TUBGCP3: variants seen among roughly 807,000 people sequenced by gnomAD.
The protein encoded by TUBGCP3 is gamma-tubulin complex component 3.
Under a neutral mutation model 123.1 loss-of-function variants are expected in TUBGCP3, and 50 were observed. That is an observed-to-expected ratio of 0.41 (90% confidence interval 0.32 to 0.51). The LOEUF is 0.51. Ranked by LOEUF, TUBGCP3 falls within the 20% of genes least tolerant of loss-of-function variation. TUBGCP3 has a pLI of 0.36. For missense variants in TUBGCP3, 882 were observed against 1,127.0 expected, an observed-to-expected ratio of 0.78 and a Z score of 3.11; for synonymous variants, 405 against 413.9, an observed-to-expected ratio of 0.98 and a Z score of 0.26.
At chr13:112,562,320 A>G (rs1330500063) in intron 3 of TUBGCP3, among the ~76,000 whole-genome samples, 1 of 152,130 alleles carries the variant, frequency 6.6e-6, no homozygotes, top group Admixed American at 6.5e-5. Flanking sequence ...GCCAGGGGCC[A>G]CTAGGGGAAC....
chr13:112,516,412 C>A (rs369559965), intron 17 of TUBGCP3, 28 bp downstream of exon 17: 1 of 1,563,110 alleles, frequency 6.4e-7, no homozygotes, highest in South Asian at 1.2e-5. Flanking sequence ...GGAGTGTGTG[C>A]GGACCCGTGA....
chr13:112,599,598 C>T, the TUBGCP3 span, among the ~76,000 whole-genome samples: 1 of 152,212 alleles, frequency 6.6e-6, no homozygotes, highest in African/African-American at 2.4e-5. Flanking sequence ...CCTCCGCCTC[C>T]CAGGTTCAAG....
intron 14 of TUBGCP3, chr13:112,521,562 G>T: frequency 1.6e-6 from 1 of 607,190 alleles, no homozygotes; most frequent in Non-Finnish European, 2.1e-6. Flanking sequence ...GTGATACACT[G>T]AAACTTGAGG....
chr13:112,490,582 T>C (rs1880015483), intron 20 of TUBGCP3, among the ~76,000 whole-genome samples: 1 of 152,252 alleles, frequency 6.6e-6, no homozygotes, highest in African/African-American at 2.4e-5. Flanking sequence ...TCAAATATGG[T>C]GAATTATATT....
At position 112,491,782 on chromosome 13, in the gene TUBGCP3, G is replaced by A. The variant is rs200874732; in HGVS notation, c.2449-2085C>T. 2.6e-5 allele frequency among the ~76,000 whole-genome samples: 4 copies of A among 152,204 alleles called. No homozygotes were observed. The East Asian group carries it at 5.8e-4, about 22-fold the overall frequency. Reference sequence around the variant, plus strand: ...ATTACAGGCATGAGCCACCACGCCCGGCCAGAACTTCCCAATTTGTAGGTC... The same window carrying A: ...ATTACAGGCATGAGCCACCACGCCCAGCCAGAACTTCCCAATTTGTAGGTC... On this transcript the variant is annotated intron_variant, in intron 20 of 21. Transcript: ENST00000261965.
At chr13:112,520,813 G>T (rs1016988564) in intron 14 of TUBGCP3, among the ~76,000 whole-genome samples, 1 of 152,128 alleles carries the variant, frequency 6.6e-6, no homozygotes, top group Non-Finnish European at 1.5e-5. Context: ...AAGCTAACAC[G>T]TCTCTAATCG....
At chr13:112,536,582 A>G (rs1408603797) in intron 11 of TUBGCP3, among the ~76,000 whole-genome samples, 1 of 151,990 alleles carries the variant, frequency 6.6e-6, no homozygotes, top group East Asian at 1.9e-4. Context: ...TCTTAATTTC[A>G]TATTTGGATT....
At chr13:112,530,700 T>A (rs997916253) in intron 11 of TUBGCP3, among the ~76,000 whole-genome samples, 1 of 152,170 alleles carries the variant, frequency 6.6e-6, no homozygotes, top group Non-Finnish European at 1.5e-5. Flanking sequence ...GTTTCAGAGA[T>A]CATTTTAATA....
In TUBGCP3 at chr13:112,489,579, A is replaced by G; in HGVS notation, c.2565+2T>C. 1.9e-6 allele frequency: 3 copies of G among 1,607,218 alleles called. No individual in the cohort carries two copies. Among genetic ancestry groups the G allele is most frequent in the Non-Finnish European group, 2.6e-6 (3 of 1,173,652 alleles). On this transcript the variant is annotated splice_donor_variant, in intron 21 of 21. Transcript: ENST00000261965. LOFTEE classifies it high-confidence loss of function. ...AGAGCCACTCTGTATCCTCATACACACCTGGTAGAAATGGGTCAATATTCG... is the reference window on the plus strand; with the variant it reads ...AGAGCCACTCTGTATCCTCATACACGCCTGGTAGAAATGGGTCAATATTCG...
chr13:112,578,128 C>A (rs139941767), intron 1 of TUBGCP3, among the ~76,000 whole-genome samples: 1 of 152,098 alleles, frequency 6.6e-6, no homozygotes, highest in Non-Finnish European at 1.5e-5. Flanking sequence ...GCTACCCTGA[C>A]GCACCATAAT....
At chr13:112,578,373 C>G (rs1160189784) in intron 1 of TUBGCP3, among the ~76,000 whole-genome samples, 1 of 151,166 alleles carries the variant, frequency 6.6e-6, no homozygotes, top group Non-Finnish European at 1.5e-5. Context: ...TCCTGGCTAA[C>G]ACGGTGAAAC....
chr13:112,527,759 G>A (rs1877252529), intron 11 of TUBGCP3, among the ~76,000 whole-genome samples: 1 of 152,192 alleles, frequency 6.6e-6, no homozygotes, highest in Non-Finnish European at 1.5e-5. Context: ...GCATAATACT[G>A]AGGCTTCCTG....
upstream of TUBGCP3, among the ~76,000 whole-genome samples, chr13:112,590,130 C>T (rs1481763655): frequency 2.6e-5 from 4 of 152,114 alleles, no homozygotes; most frequent in Non-Finnish European, 5.9e-5. Context: ...GCACCCGCCA[C>T]CATGCCGGGC....
intron 8 of TUBGCP3, among the ~76,000 whole-genome samples, chr13:112,551,512 GAT>G (rs1879585892): frequency 6.6e-6 from 1 of 152,102 alleles, no homozygotes; most frequent in South Asian, 2.1e-4. Context: ...CTTCAAATAA[GAT>G]AAATAAACCA....
intron 11 of TUBGCP3, among the ~76,000 whole-genome samples, chr13:112,542,698 T>C (rs1221128671): frequency 6.6e-6 from 1 of 152,208 alleles, no homozygotes; most frequent in Non-Finnish European, 1.5e-5. Flanking sequence ...CAGAGGTCAG[T>C]ATAAAGTTTA....
At chr13:112,506,255 G>A (rs1036096628) in intron 17 of TUBGCP3, among the ~76,000 whole-genome samples, 1 of 152,072 alleles carries the variant, frequency 6.6e-6, no homozygotes, top group African/African-American at 2.4e-5. Flanking sequence ...ACCAACCAGA[G>A]CTCCAAAGGG....
intron 17 of TUBGCP3, among the ~76,000 whole-genome samples, chr13:112,509,083 C>A (rs538793043): frequency 6.6e-6 from 1 of 152,348 alleles, no homozygotes; most frequent in African/African-American, 2.4e-5. Context: ...CACAGTCCCC[C>A]TCCACAGCTT....
the TUBGCP3 span, among the ~76,000 whole-genome samples, chr13:112,601,616 C>G: frequency 6.6e-6 from 1 of 152,172 alleles, no homozygotes; most frequent in Non-Finnish European, 1.5e-5. Flanking sequence ...AGGTCAAGAC[C>G]TTTGGAGTCA....
rs954575312 is a variant in TUBGCP3 at position 112,559,361 on chromosome 13, C to A, written c.291G>T (p.Leu97Phe). 2 of 1,611,344 alleles carry A rather than the reference C, an allele frequency of 1.2e-6. No homozygotes were observed. The highest frequency in any genetic ancestry group is 8.5e-7 in the Non-Finnish European group (1 of 1,178,724). Residue 97 changes from leucine (L) to phenylalanine (F), a missense_variant, in exon 4 of 22, where the codon TTG (leucine) becomes TTT (phenylalanine). Physicochemically the swap from Leu to Phe is conservative, Grantham distance 22. Coordinates refer to ENST00000261965, the MANE Select transcript of TUBGCP3 (RefSeq NM_006322.6). ...TGCGTGGGTCCTCACTGAGGCTCAG[C>A]AAGAGGTAGAGTATTGACCATTTAT... ...LKNKWSILYL[L>F]LSLSEDPRRQ...
Sources: gnomAD v4.1 joint callset for allele counts (sites outside exome capture counted in the v4.1 genomes callset) on GRCh38, gnomAD v4.1.1 for gene constraint, MANE v1.5 for transcripts, NCBI Gene and HGNC (gene_info 2026-07-23, HGNC 2026-07-21) for gene names.